ATRX: variants seen among roughly 807,000 people sequenced by gnomAD.
The protein encoded by ATRX is ATRX chromatin remodeler, also known as chromatin remodeler ATRX.
Under a neutral mutation model 172.6 loss-of-function variants are expected in ATRX, and 12 were observed. The ratio of observed to expected loss-of-function variants is 0.07; its 90% confidence interval spans 0.04 to 0.11. The LOEUF is 0.11. ATRX is among the 10% of genes least tolerant of loss of function. The pLI, the probability that ATRX is intolerant of heterozygous loss-of-function variation, is 1.00. For synonymous variants in ATRX, 674 were observed against 594.7 expected (o/e 1.13, Z -1.94); for missense variants, 1,368 against 1,767.4 (o/e 0.77, Z 4.05).
chrX:77,726,003 GA>G (rs2074016215), intron 1 of ATRX, among the ~76,000 whole-genome samples: 1 of 111,685 alleles, frequency 9.0e-6, no homozygotes, highest in South Asian at 3.8e-4. Context: ...GGAGAAATAG[GA>G]ACACTTTTAC....
chrX:77,550,321 T>G (rs2064433207), intron 30 of ATRX, among the ~76,000 whole-genome samples: 1 of 111,734 alleles, frequency 8.9e-6, no homozygotes, highest in African/African-American at 3.3e-5. Context: ...CATATGCAAA[T>G]CAATAAACGT....
chrX:77,526,656 A>T (rs2063391336), intron 30 of ATRX, among the ~76,000 whole-genome samples: 1 of 112,659 alleles, frequency 8.9e-6, no homozygotes, highest in South Asian at 3.6e-4. Flanking sequence ...TTAATAAAAG[A>T]AAACATAAAA....
chrX:77,542,147 T>C (rs1436125471), intron 30 of ATRX, among the ~76,000 whole-genome samples: 1 of 111,641 alleles, frequency 9.0e-6, no homozygotes, highest in Non-Finnish European at 1.9e-5. Context: ...TGTGCAAAAA[T>C]CACAAGCATT....
chrX:77,685,076 A>AT, intron 7 of ATRX, 70 bp from the exon 8 acceptor site: 2 of 865,696 alleles, frequency 2.3e-6, no homozygotes, highest in African/African-American at 2.0e-5. Flanking sequence ...CAAAAACTTT[A>AT]TTTTTTTAAG....
intron 1 of ATRX, among the ~76,000 whole-genome samples, chrX:77,748,508 A>G (rs782085149): frequency 3.2e-4 from 36 of 112,385 alleles, no homozygotes; most frequent in Admixed American, 6.6e-4. Flanking sequence ...AACCATATAA[A>G]TATTATTTCT....
At chrX:77,646,925 TA>T (rs1229860572) in intron 15 of ATRX, among the ~76,000 whole-genome samples, 1,350 of 94,801 alleles carry the variant, frequency 0.014, 5 homozygotes, top group Non-Finnish European at 0.021. Context: ...ACTGTGTCTT[TA>T]AAAAAAAAAA....
In ATRX at chrX:77,509,990, C is replaced by T. The variant is rs1277151322; in HGVS notation, c.7201-1361G>A. On this transcript the variant is annotated intron_variant, in intron 34 of 34. Transcript: ENST00000373344. ...TGCTTGTGCCACACCTTCGCAAACC[C>T]CAGGCAGCACAGCTCACAGCTCCAG... Among the ~76,000 whole-genome samples, 3 of 110,196 alleles carry T rather than the reference C, an allele frequency of 2.7e-5. No homozygotes were observed. In the Admixed American group the frequency reaches 2.9e-4, roughly 11 times the overall value.
intron 25 of ATRX, among the ~76,000 whole-genome samples, chrX:77,598,680 T>G (rs782435812): frequency 3.5e-4 from 39 of 111,841 alleles, no homozygotes; most frequent in African/African-American, 1.3e-3. Context: ...GTCCCAGTTT[T>G]TAAGCTCCTA....
At chrX:77,708,659 C>CA (rs782311645) in intron 2 of ATRX, among the ~76,000 whole-genome samples, 91 of 97,413 alleles carry the variant, frequency 9.3e-4, no homozygotes, top group African/African-American at 3.0e-3. Context: ...GACTCTGTCT[C>CA]AAAAAAAAAA....
At position 77,735,597 on chromosome X, in the gene ATRX, A is replaced by G. The variant is rs781786798; in HGVS notation, c.21-18354T>C. ...ACAGAGCAAGACTCCGTCTCAAAAA[A>G]CTAAATAAATAAATAAATAAATAAA... On this transcript the variant is annotated intron_variant, in intron 1 of 34. Transcript: ENST00000373344. Among the ~76,000 whole-genome samples, 20 of 72,887 alleles carry G rather than the reference A, an allele frequency of 2.7e-4. No individual in the cohort carries two copies. In the East Asian group the frequency reaches 5.6e-3, roughly 20 times the overall value. 63.3% of individuals were successfully genotyped at this position (72,887 alleles called of 115,157 possible). A position where few individuals can be genotyped will look rare whatever the true frequency, so the allele number is the denominator to read the frequency against.
rs1350884826 is a variant in ATRX, at chrX:77,523,472, A to G, written c.6700-71T>C. On this transcript the variant is annotated intron_variant, in intron 30 of 34. Transcript: ENST00000373344. ...GACAGTATAATATCTCCATAGTTCT[A>G]TGGTCAACTGTACTAGAAACTAAAA... is the stretch of plus-strand genomic sequence containing the variant. 9.5e-6 allele frequency: 10 copies of G among 1,051,962 alleles called. No individual in the cohort carries two copies. In the East Asian group the frequency reaches 2.4e-4, roughly 26 times the overall value. The allele number at this position is 1,051,962 out of a possible 1,213,427, so 86.7% of individuals were successfully genotyped here.
chrX:77,692,892 T>TGTGTGTGTGTG (rs1557147808), intron 6 of ATRX, among the ~76,000 whole-genome samples: 1 of 101,957 alleles, frequency 9.8e-6, no homozygotes, highest in Non-Finnish European at 2.0e-5. Context: ...TGTGTGTGTG[T>TGTGTGTGTGTG]TTTAATTTTT....
At chrX:77,604,161 G>T (rs782274735) in intron 22 of ATRX, among the ~76,000 whole-genome samples, 2 of 111,867 alleles carry the variant, frequency 1.8e-5, no homozygotes, top group Admixed American at 1.9e-4. Context: ...AGACAAATGG[G>T]ACTTAAATAA....
intron 1 of ATRX, among the ~76,000 whole-genome samples, chrX:77,742,021 A>AT (rs1379713114): frequency 3.6e-5 from 4 of 109,705 alleles, no homozygotes; most frequent in South Asian, 7.7e-4. Context: ...AGAGGGTTTT[A>AT]TTTTTTTTTG....
intron 1 of ATRX, among the ~76,000 whole-genome samples, chrX:77,723,954 G>A (rs1050659883): frequency 6.3e-5 from 7 of 111,227 alleles, no homozygotes; most frequent in Non-Finnish European, 1.3e-4. Flanking sequence ...TCCATCAACC[G>A]CAGTACCACA....
chrX:77,522,102 T>C, intron 32 of ATRX, 161 bp downstream of exon 32: 1 of 641,297 alleles, frequency 1.6e-6, no homozygotes, highest in South Asian at 2.5e-5. Context: ...TACAACATCA[T>C]GTTGGTTCAA....
In ATRX at chrX:77,682,214, A is replaced by G. The variant is rs140476563; in HGVS notation, c.3042T>C (p.Asp1014=). 4.0e-5 allele frequency: 48 copies of G among 1,208,847 alleles called. No homozygotes were observed. Among genetic ancestry groups the G allele is most frequent in the Middle Eastern group, 4.6e-4 (2 of 4,372 alleles). Residue 1014 remains aspartate (D), a synonymous_variant, in exon 9 of 35, where the codon GAT becomes GAC. Transcript: ENST00000373344. ...KMEQQYESSS[D]GTEKLPEREE... ...CTCGCTCAGGTAACTTTTCAGTGCC[A>G]TCAGATGAAGATTCATACTGTTGTT... is the stretch of plus-strand genomic sequence containing the variant.
At chrX:77,782,626 G>T (rs1477626309) in intron 1 of ATRX, among the ~76,000 whole-genome samples, 1 of 111,043 alleles carries the variant, frequency 9.0e-6, no homozygotes, top group Non-Finnish European at 1.9e-5. Flanking sequence ...GGTGGCACTT[G>T]CCTGTAATCC....
intron 1 of ATRX, among the ~76,000 whole-genome samples, chrX:77,735,429 T>C (rs1244686511): frequency 9.0e-6 from 1 of 110,616 alleles, no homozygotes; most frequent in Non-Finnish European, 1.9e-5. Context: ...CCGTCTCTAA[T>C]AAAAATACAA....
Sources: allele counts gnomAD v4.1 joint callset (sites outside exome capture counted in the v4.1 genomes callset), GRCh38; gene constraint gnomAD v4.1.1; transcripts MANE v1.5; gene names NCBI Gene and HGNC (gene_info 2026-07-23, HGNC 2026-07-21).